RBMS3: variants seen among roughly 807,000 people sequenced by gnomAD.
The protein encoded by RBMS3 is RNA binding motif single stranded interacting protein 3, also known as RNA-binding motif, single-stranded-interacting protein 3.
Under a neutral mutation model 66.8 loss-of-function variants are expected in RBMS3, and 27 were observed. The ratio of observed to expected loss-of-function variants is 0.40; its 90% confidence interval spans 0.30 to 0.56. RBMS3 has a LOEUF of 0.56. Among genes scored for constraint, RBMS3 ranks in the 20% least tolerant of loss-of-function variants. The pLI is 0.40. For missense variants in RBMS3, 513 were observed against 549.5 expected (o/e 0.93, Z 0.66); for synonymous variants, 188 against 183.0 (o/e 1.03, Z -0.22).
At chr3:29,827,322 A>C (rs967836286) in intron 6 of RBMS3, among the ~76,000 whole-genome samples, 2 of 152,176 alleles carry the variant, frequency 1.3e-5, no homozygotes, top group African/African-American at 2.4e-5. Context: ...AGGTTAATGA[A>C]ATTTTTGAAT....
chr3:29,607,483 G>T (rs970008194), intron 4 of RBMS3, among the ~76,000 whole-genome samples: 1 of 151,828 alleles, frequency 6.6e-6, no homozygotes, highest in Non-Finnish European at 1.5e-5. Flanking sequence ...ATATATGAGG[G>T]TTCTGCCTTT....
chr3:29,468,339 A>C (rs568402037), intron 2 of RBMS3, among the ~76,000 whole-genome samples: 1 of 152,244 alleles, frequency 6.6e-6, no homozygotes. Flanking sequence ...GATGGGACTT[A>C]AGCTTGTTTA....
rs567579839 is a variant in RBMS3 at position 29,484,140 on chromosome 3, A to G, written c.249-4301A>G. ...AGAGCTTGGAAGGGACAAGTGCAAA[A>G]TCATTGAGCAAAGCATTTTAGAAAG... On this transcript the variant is annotated intron_variant, in intron 2 of 14. Transcript: ENST00000383767. Among the ~76,000 whole-genome samples the G allele has an allele frequency of 6.6e-5, 10 of 152,326 alleles. No homozygotes were observed. The South Asian group carries it at 2.1e-3, about 32-fold the overall frequency.
intron 12 of RBMS3, among the ~76,000 whole-genome samples, chr3:29,974,662 A>G (rs1697439569): frequency 6.6e-6 from 1 of 151,402 alleles, no homozygotes; most frequent in African/African-American, 2.4e-5. Flanking sequence ...TCTTATTTTT[A>G]AGCTTTAAGA....
intron 4 of RBMS3, among the ~76,000 whole-genome samples, chr3:29,636,169 T>C (rs1308644331): frequency 6.6e-6 from 1 of 151,780 alleles, no homozygotes; most frequent in East Asian, 1.9e-4. Flanking sequence ...GTCTAGGTCT[T>C]GTCCAGTTCT....
At chr3:29,645,172 G>A (rs996608410) in intron 4 of RBMS3, among the ~76,000 whole-genome samples, 2 of 152,128 alleles carry the variant, frequency 1.3e-5, no homozygotes, top group African/African-American at 2.4e-5. Flanking sequence ...AAAAAAAGAG[G>A]CTGCATATTA....
chr3:29,698,532 C>T, intron 4 of RBMS3: 1 of 985,188 alleles, frequency 1.0e-6, no homozygotes, highest in African/African-American at 1.7e-5. Flanking sequence ...GATGGTGGGT[C>T]AAGATGGCGG....
At chr3:29,866,077 T>TAAAAAACAAAAAAAA (rs2059354063) in intron 6 of RBMS3, among the ~76,000 whole-genome samples, 1 of 105,600 alleles carries the variant, frequency 9.5e-6, no homozygotes, top group African/African-American at 3.9e-5. Flanking sequence ...CACCAAATAC[T>TAAAAAACAAAAAAAA]AAAAAAAAAA....
chr3:29,370,179 C>A (rs1418300484), intron 1 of RBMS3, among the ~76,000 whole-genome samples: 3 of 152,128 alleles, frequency 2.0e-5, no homozygotes, highest in African/African-American at 4.8e-5. Flanking sequence ...CTATCACTTT[C>A]CTGAGGGACT....
chr3:29,978,007 G>T (rs1156436813), intron 12 of RBMS3, among the ~76,000 whole-genome samples: 1 of 152,072 alleles, frequency 6.6e-6, no homozygotes, highest in Admixed American at 6.6e-5. Flanking sequence ...GATATCACAG[G>T]TCGTTCTCTT....
At chr3:29,290,788 T>A (rs914825881) in intron 1 of RBMS3, 5 of 151,884 alleles carry the variant, frequency 3.3e-5, no homozygotes, top group African/African-American at 1.2e-4. Context: ...TGGGAATAGA[T>A]GAAAGAACAT....
chr3:29,440,175 C>T (rs1349337043), intron 2 of RBMS3, among the ~76,000 whole-genome samples: 2 of 152,134 alleles, frequency 1.3e-5, no homozygotes, highest in Non-Finnish European at 2.9e-5. Flanking sequence ...AAACGTGCAT[C>T]ATAATGGGTA....
chr3:29,933,991 C>T (rs1444305906), intron 10 of RBMS3: 2 of 152,080 alleles, frequency 1.3e-5, no homozygotes, highest in Non-Finnish European at 2.9e-5. Flanking sequence ...CTGTCACATG[C>T]TCACCTACCT....
intron 4 of RBMS3, among the ~76,000 whole-genome samples, chr3:29,623,955 GA>G (rs1363069132): frequency 6.6e-6 from 1 of 151,908 alleles, no homozygotes; most frequent in Non-Finnish European, 1.5e-5. Flanking sequence ...GAATTATGGG[GA>G]AAAAAAAGCA....
At chr3:29,961,635 G>A (rs1316936878) in intron 12 of RBMS3, among the ~76,000 whole-genome samples, 3 of 152,096 alleles carry the variant, frequency 2.0e-5, no homozygotes, top group Non-Finnish European at 2.9e-5. Flanking sequence ...GGTGGAAGGT[G>A]AAGGAAATAT....
intron 12 of RBMS3, among the ~76,000 whole-genome samples, chr3:29,982,465 A>G (rs1172004778): frequency 6.6e-6 from 1 of 151,710 alleles, no homozygotes; most frequent in Non-Finnish European, 1.5e-5. Context: ...TAGCTTTTTA[A>G]TTTGTTTGCT....
At chr3:29,313,033 T>C (rs887678757) in intron 1 of RBMS3, among the ~76,000 whole-genome samples, 1 of 151,744 alleles carries the variant, frequency 6.6e-6, no homozygotes, top group African/African-American at 2.4e-5. Context: ...AAATAATCTT[T>C]GCATTTCTCC....
chr3:29,968,957 G>A (rs1255742159), intron 12 of RBMS3, among the ~76,000 whole-genome samples: 2 of 152,174 alleles, frequency 1.3e-5, no homozygotes, highest in African/African-American at 4.8e-5. Context: ...GCAGAGTGAT[G>A]GTGGTCATTC....
chr3:29,600,519 A>G (rs1444629722), intron 4 of RBMS3, among the ~76,000 whole-genome samples: 2 of 152,100 alleles, frequency 1.3e-5, no homozygotes, highest in South Asian at 2.1e-4. Context: ...CAGCAGGGTC[A>G]TTAGCTAAAT....
Sources: gnomAD v4.1 joint callset for allele counts (sites outside exome capture counted in the v4.1 genomes callset) on GRCh38, gnomAD v4.1.1 for gene constraint, MANE v1.5 for transcripts, NCBI Gene and HGNC (gene_info 2026-07-23, HGNC 2026-07-21) for gene names.